The following FAM219A variants were observed in gnomAD, a reference collection of about 807,000 sequenced individuals.
FAM219A encodes the protein family with sequence similarity 219 member A, also known as protein FAM219A.
A neutral mutation model predicts 23.4 loss-of-function variants in FAM219A; 7 were observed. That is an observed-to-expected ratio of 0.30 (90% confidence interval 0.17 to 0.56). The LOEUF is 0.56. Among genes scored for constraint, FAM219A ranks in the 20% least tolerant of loss-of-function variants. The probability of loss-of-function intolerance (pLI) is 0.92; values close to 1 mark genes in which losing one functional copy is unlikely to be tolerated. For synonymous variants in FAM219A, 93 were observed against 99.0 expected (o/e 0.94, Z 0.36); for missense variants, 166 against 246.9 (o/e 0.67, Z 2.20).
chr9:34,420,510 CACTT>C (rs1046287528), intron 1 of FAM219A, among the ~76,000 whole-genome samples: 32 of 152,194 alleles, frequency 2.1e-4, no homozygotes, highest in Non-Finnish European at 4.0e-4. Flanking sequence ...ACAGGGCACT[CACTT>C]ACTCCCCACC....
chr9:34,406,808 T>TTC (rs888811355), intron 1 of FAM219A, among the ~76,000 whole-genome samples: 9 of 151,242 alleles, frequency 6.0e-5, no homozygotes, highest in African/African-American at 2.2e-4. Context: ...AGAGTCTTTT[T>TTC]TTTTTTTTTT....
chr9:34,409,705 A>G (rs919074479), intron 1 of FAM219A, among the ~76,000 whole-genome samples: 8 of 152,224 alleles, frequency 5.3e-5, no homozygotes, highest in Admixed American at 3.9e-4. Context: ...CCTTAGAATT[A>G]TAATAGTTTG....
intron 1 of FAM219A, among the ~76,000 whole-genome samples, chr9:34,427,395 C>A (rs750151386): frequency 7.2e-5 from 11 of 152,118 alleles, no homozygotes; most frequent in Non-Finnish European, 1.5e-4. Flanking sequence ...CAGGCTGGGA[C>A]ACATCACCTC....
chr9:34,427,522 C>T (rs766399170), intron 1 of FAM219A, among the ~76,000 whole-genome samples: 10 of 152,172 alleles, frequency 6.6e-5, no homozygotes, highest in Non-Finnish European at 1.5e-4. Flanking sequence ...ATTTAAATGA[C>T]TATTTGTATA....
chr9:34,442,320 GT>G (rs1230137980), intron 1 of FAM219A, among the ~76,000 whole-genome samples: 1 of 152,184 alleles, frequency 6.6e-6, no homozygotes. Flanking sequence ...CTTTTTATTT[GT>G]TTTTGTTTTT....
intron 1 of FAM219A, among the ~76,000 whole-genome samples, chr9:34,421,386 C>T (rs1231719766): frequency 6.6e-6 from 1 of 152,072 alleles, no homozygotes; most frequent in Non-Finnish European, 1.5e-5. Context: ...GGTTATGCAT[C>T]TCCATGGAAA....
At chr9:34,401,288 CG>C (rs1276710125) in intron 5 of FAM219A, among the ~76,000 whole-genome samples, 166 bp from the exon 6 acceptor site, 1 of 152,166 alleles carries the variant, frequency 6.6e-6, no homozygotes, top group African/African-American at 2.4e-5. Flanking sequence ...CCTGCCTAGG[CG>C]CCCTCCTTCG....
chr9:34,416,054 G>A (rs1398729566), intron 1 of FAM219A, among the ~76,000 whole-genome samples: 2 of 151,976 alleles, frequency 1.3e-5, no homozygotes, highest in Admixed American at 6.6e-5. Flanking sequence ...GCACACACCT[G>A]TAGCCCCAGC....
chr9:34,402,520 G>A, intron 3 of FAM219A, 53 bp from the exon 4 acceptor site: 1 of 1,611,046 alleles, frequency 6.2e-7, no homozygotes, highest in Non-Finnish European at 8.5e-7. Context: ...TAGAAACCTG[G>A]CAAGGGACTG....
chr9:34,427,566 C>T (rs993705209), intron 1 of FAM219A, among the ~76,000 whole-genome samples: 2 of 152,144 alleles, frequency 1.3e-5, no homozygotes, highest in Non-Finnish European at 2.9e-5. Flanking sequence ...AGGTAGGGAC[C>T]ATGCCTGCCT....
At chr9:34,440,139 G>A (rs1415079981) in intron 1 of FAM219A, among the ~76,000 whole-genome samples, 1 of 152,196 alleles carries the variant, frequency 6.6e-6, no homozygotes, top group Non-Finnish European at 1.5e-5. Flanking sequence ...CCTGTACTGG[G>A]TGGTCAGCTG....
chr9:34,403,155 C>T (rs898293227), intron 2 of FAM219A, among the ~76,000 whole-genome samples: 1 of 152,050 alleles, frequency 6.6e-6, no homozygotes, highest in African/African-American at 2.4e-5. Context: ...TTAGGTGACA[C>T]CATGACCTGG....
At chr9:34,436,443 G>C (rs979782496) in intron 1 of FAM219A, among the ~76,000 whole-genome samples, 2 of 151,586 alleles carry the variant, frequency 1.3e-5, no homozygotes, top group Non-Finnish European at 2.9e-5. Context: ...ATGGGGTCTT[G>C]CTTTGTTGCC....
At chr9:34,430,946 G>C (rs1822676709) in intron 1 of FAM219A, among the ~76,000 whole-genome samples, 2 of 152,182 alleles carry the variant, frequency 1.3e-5, no homozygotes, top group South Asian at 4.1e-4. Context: ...AGCTCTCCAG[G>C]GTTCTGAACC....
chr9:34,411,789 G>A (rs1821833970), intron 1 of FAM219A, among the ~76,000 whole-genome samples: 1 of 152,108 alleles, frequency 6.6e-6, no homozygotes, highest in Admixed American at 6.6e-5. Flanking sequence ...TAGAGAGAAT[G>A]GGACAAAGGG....
At chr9:34,414,324 A>C (rs946596244) in intron 1 of FAM219A, among the ~76,000 whole-genome samples, 1 of 152,184 alleles carries the variant, frequency 6.6e-6, no homozygotes, top group African/African-American at 2.4e-5. Flanking sequence ...ACTGTTGGGT[A>C]GCTCCTGTTT....
chr9:34,430,624 A>C (rs1466201186), intron 1 of FAM219A, among the ~76,000 whole-genome samples: 1 of 135,348 alleles, frequency 7.4e-6, no homozygotes, highest in Non-Finnish European at 1.5e-5. Flanking sequence ...GTGACAGAGC[A>C]AGACTCCGTC....
At chr9:34,434,802 A>T (rs187290197) in intron 1 of FAM219A, among the ~76,000 whole-genome samples, 1 of 150,262 alleles carries the variant, frequency 6.7e-6, no homozygotes, top group Non-Finnish European at 1.5e-5. Context: ...TATCTGCTCA[A>T]TGTTGATGGT....
At chr9:34,446,264 C>G in intron 1 of FAM219A, among the ~76,000 whole-genome samples, 1 of 151,884 alleles carries the variant, frequency 6.6e-6, no homozygotes, top group East Asian at 1.9e-4. Context: ...GGTATTAGGG[C>G]CACAGGACAG....
Sources: allele counts gnomAD v4.1 joint callset (sites outside exome capture counted in the v4.1 genomes callset), GRCh38; gene constraint gnomAD v4.1.1; transcripts MANE v1.5; gene names NCBI Gene and HGNC (gene_info 2026-07-23, HGNC 2026-07-21).